FAM20B: variants seen among roughly 807,000 people sequenced by gnomAD.
FAM20B encodes FAM20B glycosaminoglycan xylosylkinase.
In FAM20B, 23 loss-of-function variants were observed where a neutral mutation model predicts 43.8. The ratio of observed to expected loss-of-function variants is 0.53; its 90% CI spans 0.38 to 0.74. The LOEUF (loss-of-function observed/expected upper bound fraction) is 0.74, where lower values mean the gene tolerates loss of function less well. FAM20B is among the 30% of genes least tolerant of loss of function. The pLI, the probability that FAM20B is intolerant of heterozygous loss-of-function variation, is 0.00. For synonymous variants in FAM20B, 178 were observed against 192.4 expected (o/e 0.93, Z 0.62); for missense variants, 440 against 510.5 (o/e 0.86, Z 1.33).
At chr1:179,059,971 C>CAA (rs58295299) in intron 4 of FAM20B, among the ~76,000 whole-genome samples, 2 of 121,348 alleles carry the variant, frequency 1.6e-5, no homozygotes, top group Non-Finnish European at 1.8e-5. Flanking sequence ...GATTATGTCT[C>CAA]AAAAAAAAAA....
At chr1:179,040,152 A>G (rs947824502) in intron 1 of FAM20B, among the ~76,000 whole-genome samples, 2 of 152,164 alleles carry the variant, frequency 1.3e-5, no homozygotes, top group Non-Finnish European at 2.9e-5. Context: ...AGACACGGCA[A>G]CCATCCGACT....
At chr1:179,018,315 C>CTT in the FAM20B span, among the ~76,000 whole-genome samples, 1 of 151,702 alleles carries the variant, frequency 6.6e-6, no homozygotes, top group East Asian at 1.9e-4. Flanking sequence ...TACCAAAGAT[C>CTT]TTTTTTTTTG....
chr1:179,055,218 TAAG>T (rs1440853304), intron 4 of FAM20B, among the ~76,000 whole-genome samples: 1 of 152,160 alleles, frequency 6.6e-6, no homozygotes, highest in Non-Finnish European at 1.5e-5. Flanking sequence ...AACTCTGAGG[TAAG>T]AGATCTGAGC....
intron 1 of FAM20B, among the ~76,000 whole-genome samples, chr1:179,040,391 G>T (rs1650439407): frequency 6.6e-6 from 1 of 151,596 alleles, no homozygotes; most frequent in Admixed American, 6.6e-5. Context: ...CCCGGACTGG[G>T]CGGCTGGCCG....
chr1:179,031,068 G>A (rs931361954), intron 1 of FAM20B, among the ~76,000 whole-genome samples: 3 of 152,148 alleles, frequency 2.0e-5, no homozygotes, highest in Non-Finnish European at 4.4e-5. Context: ...CTAAAAATGC[G>A]AGGTCTATTG....
chr1:179,047,098 C>T (rs923388012), intron 2 of FAM20B, among the ~76,000 whole-genome samples: 2 of 152,160 alleles, frequency 1.3e-5, no homozygotes, highest in South Asian at 2.1e-4. Context: ...TTCCCAAGAG[C>T]GTGCAGTGTT....
At chr1:179,054,485 T>A in intron 3 of FAM20B, 44 bp from the exon 4 acceptor site, 1 of 1,213,652 alleles carries the variant, frequency 8.2e-7, no homozygotes, top group African/African-American at 1.5e-5. Context: ...TTAAAAAACA[T>A]CCCCTAAGAT....
intron 1 of FAM20B, chr1:179,035,664 G>T: frequency 5.2e-6 from 2 of 386,106 alleles, no homozygotes; most frequent in East Asian, 5.6e-5. Context: ...TTGGAGGCAT[G>T]GACCGGAGAG....
the FAM20B span, among the ~76,000 whole-genome samples, chr1:179,018,923 C>T: frequency 6.6e-6 from 1 of 152,110 alleles, no homozygotes; most frequent in African/African-American, 2.4e-5. Flanking sequence ...GCCAGAGGGC[C>T]GATGGTATAG....
chr1:179,062,523 G>A (rs1322116362), intron 4 of FAM20B, among the ~76,000 whole-genome samples: 4 of 151,950 alleles, frequency 2.6e-5, no homozygotes, highest in African/African-American at 4.8e-5. Flanking sequence ...GGTGGTGGGC[G>A]CCTGTAGTCC....
At chr1:179,022,499 G>A (rs1322096262), upstream of FAM20B, among the ~76,000 whole-genome samples, 1 of 152,202 alleles carries the variant, frequency 6.6e-6, no homozygotes, top group Non-Finnish European at 1.5e-5. Flanking sequence ...TTGCCTTCGT[G>A]TATGCAAAAG....
At chr1:179,066,960 G>A (rs1322607879) in intron 7 of FAM20B, 101 bp downstream of exon 7, 6 of 808,850 alleles carry the variant, frequency 7.4e-6, no homozygotes, top group South Asian at 1.5e-5. Context: ...TCTGATACCT[G>A]AGCAGTGCTT....
In FAM20B at chr1:179,050,339, A is replaced by G. The variant is rs767626681; in HGVS notation, c.438A>G (p.Ala146=). The change falls in exon 3 of 8, where the codon GCA becomes GCG. Residue 146 remains alanine, a synonymous_variant. Coordinates refer to ENST00000263733, the MANE Select transcript of FAM20B (RefSeq NM_014864.4). ...ATGCTGGTTATGATAGACACAATGC[A>G]GAGGTAGCAGCCTTTCACTTGGACA... ...EPYAGYDRHN[A]EVAAFHLDRI... is the part of the protein sequence containing the mutation. 5 of 1,613,982 alleles carry G rather than the reference A, an allele frequency of 3.1e-6. No individual in the cohort carries two copies. In the Admixed American group the frequency reaches 5.0e-5, roughly 16 times the overall value.
At chr1:179,050,174 CTA>C in intron 2 of FAM20B, 103 bp from the exon 3 acceptor site, 1 of 745,148 alleles carries the variant, frequency 1.3e-6, no homozygotes, top group Non-Finnish European at 2.4e-6. Flanking sequence ...GAGAAGGTGA[CTA>C]TAGCAGAATC....
intron 4 of FAM20B, among the ~76,000 whole-genome samples, chr1:179,059,004 G>A (rs1288472218): frequency 6.6e-6 from 1 of 152,162 alleles, no homozygotes; most frequent in Non-Finnish European, 1.5e-5. Context: ...GAAAGATAAT[G>A]AATTTAATCT....
intron 2 of FAM20B, among the ~76,000 whole-genome samples, chr1:179,044,985 G>C (rs546292546): frequency 1.3e-5 from 2 of 152,280 alleles, no homozygotes; most frequent in South Asian, 4.1e-4. Flanking sequence ...TCAGATCATA[G>C]CTGTTCTAAT....
chr1:179,020,769 C>A, the FAM20B span, among the ~76,000 whole-genome samples: 3 of 152,106 alleles, frequency 2.0e-5, no homozygotes, highest in African/African-American at 7.2e-5. Context: ...AGGCATAGAG[C>A]TATTTAAAAA....
chr1:179,041,631 G>A (rs1366189284), intron 1 of FAM20B, among the ~76,000 whole-genome samples: 1 of 128,926 alleles, frequency 7.8e-6, no homozygotes, highest in South Asian at 2.5e-4. Flanking sequence ...AGAGGGAGAG[G>A]GAGACCGTGG....
intron 2 of FAM20B, among the ~76,000 whole-genome samples, chr1:179,049,941 GT>G (rs1406258811): frequency 2.0e-5 from 3 of 152,170 alleles, no homozygotes; most frequent in African/African-American, 7.2e-5. Context: ...GCTTAACACT[GT>G]GCTGGCAATA....
Sources: gnomAD v4.1 joint callset for allele counts (sites outside exome capture counted in the v4.1 genomes callset) on GRCh38, gnomAD v4.1.1 for gene constraint, MANE v1.5 for transcripts, NCBI Gene and HGNC (gene_info 2026-07-23, HGNC 2026-07-21) for gene names.